The following PPP6C variants were observed in gnomAD, a reference collection of about 807,000 sequenced individuals.
The protein encoded by PPP6C is protein phosphatase 6 catalytic subunit.
A neutral mutation model predicts 39.8 loss-of-function variants in PPP6C; 11 were observed. The ratio of observed to expected loss-of-function variants is 0.28; its 90% confidence interval spans 0.17 to 0.46. The LOEUF (loss-of-function observed/expected upper bound fraction) is 0.46. PPP6C is among the 20% of genes least tolerant of loss of function. The probability of loss-of-function intolerance (pLI) is 1.00; values close to 1 mark genes in which losing one functional copy is unlikely to be tolerated. For synonymous variants in PPP6C, 129 were observed against 130.3 expected, an observed-to-expected ratio of 0.99 and a Z score of 0.07; for missense variants, 211 against 373.9, an observed-to-expected ratio of 0.56 and a Z score of 3.59.
intron 2 of PPP6C, among the ~76,000 whole-genome samples, chr9:125,161,512 T>TA (rs1300079027): frequency 6.6e-6 from 1 of 152,198 alleles, no homozygotes; most frequent in Non-Finnish European, 1.5e-5. Context: ...GGTGCAATCA[T>TA]AACTCACTGC....
intron 2 of PPP6C, among the ~76,000 whole-genome samples, chr9:125,163,905 T>C (rs1828951389): frequency 6.6e-6 from 1 of 150,504 alleles, no homozygotes; most frequent in African/African-American, 2.4e-5. Flanking sequence ...TGGAGTGCAA[T>C]GGCACGATCT....
intron 1 of PPP6C, among the ~76,000 whole-genome samples, chr9:125,175,402 G>A (rs1360053062): frequency 6.6e-6 from 1 of 152,042 alleles, no homozygotes; most frequent in Non-Finnish European, 1.5e-5. Flanking sequence ...ACTTTGGGAG[G>A]CCGAGGCGGG....
chr9:125,182,152 T>C (rs1036229601), intron 1 of PPP6C, among the ~76,000 whole-genome samples: 1 of 152,222 alleles, frequency 6.6e-6, no homozygotes, highest in Non-Finnish European at 1.5e-5. Context: ...GTCTCTTCTC[T>C]ACCTTTTCCT....
chr9:125,187,266 T>C (rs1829550475), intron 1 of PPP6C, among the ~76,000 whole-genome samples: 1 of 151,332 alleles, frequency 6.6e-6, no homozygotes, highest in Non-Finnish European at 1.5e-5. Context: ...TTCAAATCAT[T>C]TCAGTGCCCA....
chr9:125,154,258 T>C (rs569626998), intron 4 of PPP6C, among the ~76,000 whole-genome samples: 7 of 152,264 alleles, frequency 4.6e-5, no homozygotes, highest in Non-Finnish European at 1.0e-4. Context: ...TCATCGGATG[T>C]CCTTACATAA....
intron 4 of PPP6C, among the ~76,000 whole-genome samples, chr9:125,156,776 T>TCTC (rs1564147428): frequency 6.6e-6 from 1 of 150,456 alleles, no homozygotes; most frequent in African/African-American, 2.5e-5. Context: ...TCTCTCTCTC[T>TCTC]TTCAACCAAA....
At chr9:125,180,880 G>A (rs1829407624) in intron 1 of PPP6C, among the ~76,000 whole-genome samples, 2 of 152,290 alleles carry the variant, frequency 1.3e-5, no homozygotes, top group South Asian at 4.1e-4. Flanking sequence ...ACATCGCTGT[G>A]AAACTCTGTC....
At chr9:125,188,814 T>TAATAATAATAATAATAATAAC (rs1299119116) in intron 1 of PPP6C, 2 of 393,668 alleles carry the variant, frequency 5.1e-6, no homozygotes, top group Non-Finnish European at 4.1e-6. Context: ...ATAATAATAA[T>TAATAATAATAATAATAATAAC]AATAATTAAA....
intron 1 of PPP6C, among the ~76,000 whole-genome samples, chr9:125,179,993 C>T (rs958017393): frequency 1.3e-5 from 2 of 152,108 alleles, no homozygotes; most frequent in Non-Finnish European, 2.9e-5. Context: ...CAACATAATT[C>T]ACCTACATAA....
In PPP6C at chr9:125,147,807, GA is replaced by G. The variant is rs5900644; in HGVS notation, c.*1865del. 67,011 of 151,286 alleles carry G rather than the reference GA, an allele frequency of 0.44. 14,824 individuals carry two copies. Among genetic ancestry groups the G allele is most frequent in the East Asian group, 0.61 (3,116 of 5,130 alleles). The allele number at this position is 151,286 out of a possible 1,614,324, so 9.4% of individuals were successfully genotyped here. ...ACTTAAATACAATTTATGGTAACAGGAAAAAAAAAAATACTGCAGAGAGCTG... is the reference window on the plus strand; with the variant it reads ...ACTTAAATACAATTTATGGTAACAGGAAAAAAAAAATACTGCAGAGAGCTG... On this transcript the variant is annotated 3_prime_UTR_variant, in exon 7 of 7. Coordinates refer to ENST00000373547, the MANE Select transcript of PPP6C (RefSeq NM_002721.5).
Position 125,189,703 on chromosome 9 carries a change from G to T in PPP6C, c.16C>A (p.Leu6Met). The change falls in exon 1 of 7, where the codon CTG becomes ATG. Residue 6 changes from leucine to methionine, a missense_variant. This residue lies in a region of PPP6C where 43 missense variants were observed against 31.3 expected (regional missense o/e 1.38). Transcript: ENST00000373547. MAPLD[L>M]DKYVEIARLC... ...CGCGCTATTTCCACATACTTGTCCAGGTCTAGCGGCGCCATTTTAAGAATA... is the reference window on the plus strand; with the variant it reads ...CGCGCTATTTCCACATACTTGTCCATGTCTAGCGGCGCCATTTTAAGAATA... The T allele has an allele frequency of 6.3e-7, 1 of 1,596,094 alleles. No homozygotes were observed. Among genetic ancestry groups the T allele is most frequent in the East Asian group, 2.3e-5 (1 of 43,084 alleles).
At chr9:125,186,483 T>C (rs1010822088) in intron 1 of PPP6C, among the ~76,000 whole-genome samples, 9 of 152,010 alleles carry the variant, frequency 5.9e-5, no homozygotes, top group South Asian at 4.1e-4. Flanking sequence ...TAGTGGCTCA[T>C]GCCTGTTATC....
chr9:125,166,689 C>T (rs1207549104), intron 2 of PPP6C, among the ~76,000 whole-genome samples: 1 of 151,924 alleles, frequency 6.6e-6, no homozygotes, highest in African/African-American at 2.4e-5. Flanking sequence ...CCCACCACCA[C>T]ACCTGGCAAT....
intron 6 of PPP6C, 88 bp downstream of exon 6, chr9:125,153,444 AC>A: frequency 9.8e-6 from 12 of 1,222,694 alleles, no homozygotes; most frequent in Non-Finnish European, 1.4e-5. Context: ...AGTAAGCTAG[AC>A]TACAAGTTTG....
chr9:125,167,739 G>A (rs1304099351), intron 2 of PPP6C, among the ~76,000 whole-genome samples: 1 of 147,658 alleles, frequency 6.8e-6, no homozygotes, highest in African/African-American at 2.5e-5. Context: ...GAGATGGGGA[G>A]TCTCAGGCCG....
At chr9:125,179,162 C>G (rs920025642) in intron 1 of PPP6C, among the ~76,000 whole-genome samples, 1 of 147,510 alleles carries the variant, frequency 6.8e-6, no homozygotes, top group African/African-American at 2.5e-5. Flanking sequence ...TTGCGGTGAG[C>G]TGAGATCGCG....
intron 2 of PPP6C, among the ~76,000 whole-genome samples, chr9:125,163,724 T>C (rs193263254): frequency 2.6e-5 from 4 of 152,142 alleles, no homozygotes; most frequent in Admixed American, 2.6e-4. Flanking sequence ...CCACTACGCC[T>C]GGCCAGATAT....
chr9:125,161,082 C>T (rs1801672328), intron 2 of PPP6C, among the ~76,000 whole-genome samples, 176 bp from the exon 3 acceptor site: 1 of 152,136 alleles, frequency 6.6e-6, no homozygotes, highest in Non-Finnish European at 1.5e-5. Context: ...AAAAAAAGCA[C>T]TAAATAAAGC....
chr9:125,168,171 G>C (rs2131323089), intron 2 of PPP6C, among the ~76,000 whole-genome samples: 1 of 152,230 alleles, frequency 6.6e-6, no homozygotes, highest in East Asian at 1.9e-4. Flanking sequence ...TAACGAATTT[G>C]TGAGCTAGCT....
Sources: allele counts gnomAD v4.1 joint callset (sites outside exome capture counted in the v4.1 genomes callset), GRCh38; gene constraint gnomAD v4.1.1; regional missense constraint gnomAD v4.1.1; transcripts MANE v1.5; gene names NCBI Gene and HGNC (gene_info 2026-07-23, HGNC 2026-07-21).